TLE2: variants seen among roughly 807,000 people sequenced by gnomAD.
The protein encoded by TLE2 is transducin-like enhancer protein 2.
TLE2 carries 74 observed loss-of-function variants against 97.2 expected under a neutral mutation model. The ratio of observed to expected loss-of-function variants is 0.76; its 90% CI spans 0.63 to 0.92. The LOEUF (loss-of-function observed/expected upper bound fraction) is 0.92, where lower values mean the gene tolerates loss of function less well. Ranked by LOEUF, TLE2 falls within the 40% of genes least tolerant of loss-of-function variation. The pLI, the probability that TLE2 is intolerant of heterozygous loss-of-function variation, is 0.00. For missense variants in TLE2, 1,038 were observed against 1,008.7 expected, an observed-to-expected ratio of 1.03 and a Z score of -0.39; for synonymous variants, 499 against 432.1, an observed-to-expected ratio of 1.15 and a Z score of -1.92.
At chr19:3,013,874 C>T in intron 10 of TLE2, 56 bp from the exon 11 acceptor site, 1 of 1,365,148 alleles carries the variant, frequency 7.3e-7, no homozygotes, top group Non-Finnish European at 9.5e-7. Flanking sequence ...AAGAAGAGTC[C>T]CTTCTCTATC....
chr19:2,997,766 G>A lies in TLE2; in HGVS notation c.*82C>T, dbSNP rs1397725883. The A allele has an allele frequency of 1.0e-6, 1 of 998,874 alleles. No homozygotes were observed. The highest frequency in any genetic ancestry group is 2.6e-5 in the East Asian group (1 of 38,350). The allele number at this position is 998,874 out of a possible 1,614,324, so 61.9% of individuals were successfully genotyped here. A position where few individuals can be genotyped will look rare whatever the true frequency, so the allele number is the denominator to read the frequency against. On this transcript the variant is annotated 3_prime_UTR_variant, in exon 20 of 20. Transcript: ENST00000262953. ...GATGTACGGTTCCTAGGCAGGGCTG[G>A]GAGGCGGCTGCTAGGATGTCTGTCC...
intron 1 of TLE2, among the ~76,000 whole-genome samples, chr19:3,041,011 A>AT (rs2090097788): frequency 2.4e-3 from 80 of 33,564 alleles, no homozygotes; most frequent in Admixed American, 3.1e-3. Context: ...ATATATATAT[A>AT]TATTTTTTTT....
chr19:2,998,033 G>A (rs932714628), intron 19 of TLE2, 78 bp from the exon 20 acceptor site: 101 of 1,048,758 alleles, frequency 9.6e-5, no homozygotes, highest in African/African-American at 7.5e-4. Flanking sequence ...AGGCTGGGGC[G>A]GAGTCAGGAA....
chr19:3,022,448 G>C (rs2089863535), intron 5 of TLE2, among the ~76,000 whole-genome samples: 1 of 151,070 alleles, frequency 6.6e-6, no homozygotes, highest in South Asian at 2.1e-4. Context: ...AGAATCGCTT[G>C]AACCCAGGAG....
intron 1 of TLE2, among the ~76,000 whole-genome samples, chr19:3,040,710 T>C (rs781353255): frequency 9.9e-5 from 15 of 151,852 alleles, no homozygotes; most frequent in Non-Finnish European, 1.8e-4. Context: ...TGCAGTGACA[T>C]GATCACGGCT....
At chr19:3,016,534 G>A (rs1363065960) in intron 8 of TLE2, among the ~76,000 whole-genome samples, 2 of 147,394 alleles carry the variant, frequency 1.4e-5, no homozygotes, top group East Asian at 2.1e-4. Flanking sequence ...AGCTTACAGT[G>A]AGCCGAGATT....
chr19:3,006,310 G>A (rs1285441442), intron 15 of TLE2, 110 bp downstream of exon 15: 9 of 1,461,670 alleles, frequency 6.2e-6, no homozygotes, highest in South Asian at 3.9e-5. Context: ...TATAAGCCCC[G>A]CCCTTCACCT....
intron 1 of TLE2, among the ~76,000 whole-genome samples, chr19:3,036,694 T>A (rs1378767833): frequency 6.6e-6 from 1 of 152,200 alleles, no homozygotes; most frequent in Non-Finnish European, 1.5e-5. Context: ...AGGGCCTCTC[T>A]TTGAGCCTCA....
chr19:3,007,636 T>C (rs2089505395), intron 14 of TLE2, among the ~76,000 whole-genome samples: 1 of 152,078 alleles, frequency 6.6e-6, no homozygotes, highest in Non-Finnish European at 1.5e-5. Flanking sequence ...GAGTCTAGGT[T>C]GTGGTGTGGC....
chr19:3,025,098 G>T lies in TLE2; in HGVS notation c.232-16C>A, dbSNP rs374085624. 9 of 1,599,742 alleles carry T rather than the reference G, an allele frequency of 5.6e-6. No individual in the cohort carries two copies. Among genetic ancestry groups the T allele is most frequent in the Non-Finnish European group, 7.7e-6 (9 of 1,173,416 alleles). On this transcript the variant is annotated splice_polypyrimidine_tract_variant and intron_variant, in intron 4 of 19. Coordinates refer to ENST00000262953, the MANE Select transcript of TLE2 (RefSeq NM_003260.5). ...CAATCTCCGCCTGGCAGGAAGCAATGAGAGGAAGCTTGGAGCGGGGTAGAG... is the reference window on the plus strand; with the variant it reads ...CAATCTCCGCCTGGCAGGAAGCAATTAGAGGAAGCTTGGAGCGGGGTAGAG...
chr19:3,023,977 ACT>A (rs1405705508), intron 5 of TLE2, among the ~76,000 whole-genome samples: 1 of 149,090 alleles, frequency 6.7e-6, no homozygotes, highest in African/African-American at 2.5e-5. Flanking sequence ...AACCTGGGGC[ACT>A]CTCAGAAGAG....
chr19:3,023,789 G>A (rs1184080603), intron 5 of TLE2, among the ~76,000 whole-genome samples: 1 of 151,728 alleles, frequency 6.6e-6, no homozygotes, highest in Non-Finnish European at 1.5e-5. Context: ...CTACTCAGGA[G>A]GCTGAGGCAT....
chr19:3,036,886 A>T (rs1226210000), intron 1 of TLE2, among the ~76,000 whole-genome samples: 1 of 152,042 alleles, frequency 6.6e-6, no homozygotes, highest in African/African-American at 2.4e-5. Context: ...GGTTGGGGTT[A>T]GGGAGGATCA....
chr19:3,023,927 A>G (rs947431263), intron 5 of TLE2, among the ~76,000 whole-genome samples: 1 of 149,886 alleles, frequency 6.7e-6, no homozygotes, highest in African/African-American at 2.5e-5. Flanking sequence ...GAAAAAGAAA[A>G]AAGAAACAGG....
chr19:3,011,807 G>A (rs1021102178), intron 11 of TLE2, among the ~76,000 whole-genome samples: 7 of 152,072 alleles, frequency 4.6e-5, no homozygotes, highest in South Asian at 2.1e-4. Context: ...CCGAGATCAC[G>A]CCATTGCACT....
Position 3,029,115 on chromosome 19 carries a change from G to T in TLE2, c.-211C>A. 1 of 1,167,114 alleles carries T rather than the reference G, an allele frequency of 8.6e-7. No homozygotes were observed. 72.3% of individuals were successfully genotyped at this position (1,167,114 alleles called of 1,614,324 possible). A position where few individuals can be genotyped will look rare whatever the true frequency, so the allele number is the denominator to read the frequency against. On this transcript the variant is annotated 5_prime_UTR_variant, in exon 1 of 20. Coordinates refer to ENST00000262953, the MANE Select transcript of TLE2 (RefSeq NM_003260.5). ...TGGGAGCCCCTCCCCGGGTTGGGGT[G>T]CGCGGGGCGAGCGGGGCGGGCAGGG...
chr19:3,006,673 G>T lies in TLE2; in HGVS notation c.1251-4C>A, dbSNP rs1166320142. The T allele has an allele frequency of 1.3e-6, 2 of 1,584,482 alleles. No homozygotes were observed. The highest frequency in any genetic ancestry group is 1.3e-5 in the African/African-American group (1 of 74,686). ...AGACACGTGGAAGGAGTAGGCCCTG[G>T]AGAGAAAGCCGGGGCATGACCCAGC... On this transcript the variant is annotated splice_polypyrimidine_tract_variant and splice_region_variant and intron_variant, in intron 14 of 19. Transcript: ENST00000262953.
In TLE2 at chr19:2,997,814, T is replaced by C. The variant is rs1220709854; in HGVS notation, c.*34A>G. ...TCCTGGCTGCTGATTCCCCTGGGAG[T>C]CTGGACTTCGGGTACAGGAAGGGGG... On this transcript the variant is annotated 3_prime_UTR_variant, in exon 20 of 20. Transcript: ENST00000262953. The C allele has an allele frequency of 1.3e-6, 2 of 1,497,258 alleles. No individual in the cohort carries two copies. The highest frequency in any genetic ancestry group is 2.4e-5 in the South Asian group (2 of 84,644). 92.7% of individuals were successfully genotyped at this position (1,497,258 alleles called of 1,614,324 possible).
At position 3,019,839 on chromosome 19, in the gene TLE2, G is replaced by C; in HGVS notation, c.295-66C>G. On this transcript the variant is annotated intron_variant, in intron 5 of 19. Transcript: ENST00000262953. The surrounding 1 kb of genome is among the most constrained non-coding windows in gnomAD (Gnocchi z 5.1). ...CCTGCTCATGCTAGCGGTGCCCTTGGGGACCTGACCTCTCCCCGCCACCCT... is the reference window on the plus strand; with the variant it reads ...CCTGCTCATGCTAGCGGTGCCCTTGCGGACCTGACCTCTCCCCGCCACCCT... The C allele has an allele frequency of 1.3e-6, 2 of 1,554,000 alleles. No homozygotes were observed. The highest frequency in any genetic ancestry group is 1.2e-5 in the South Asian group (1 of 85,212).
Sources: gnomAD v4.1 joint callset for allele counts (sites outside exome capture counted in the v4.1 genomes callset) on GRCh38, gnomAD v4.1.1 for gene constraint, Gnocchi (gnomAD v3.1) non-coding constraint, MANE v1.5 for transcripts, NCBI Gene and HGNC (gene_info 2026-07-23, HGNC 2026-07-21) for gene names.